Variants in CALN1 observed in about 807,000 individuals in gnomAD.
CALN1 encodes the protein calcium-binding protein 8.
In CALN1, 17 loss-of-function variants were observed where a neutral mutation model predicts 30.6. The observed-to-expected ratio is 0.56, with a 90% CI of 0.38 to 0.83. The LOEUF is 0.83. Among genes scored for constraint, CALN1 ranks in the 40% least tolerant of loss-of-function variants. CALN1 has a pLI of 0.00. For missense variants in CALN1, 291 were observed against 354.9 expected (o/e 0.82, Z 1.45); for synonymous variants, 156 against 131.4 (o/e 1.19, Z -1.28).
At chr7:72,276,397 T>C (rs749452168) in intron 3 of CALN1, among the ~76,000 whole-genome samples, 4 of 152,176 alleles carry the variant, frequency 2.6e-5, no homozygotes, top group African/African-American at 9.6e-5. Flanking sequence ...AAAATGCCTA[T>C]GTGGAAACCT....
the CALN1 span, among the ~76,000 whole-genome samples, chr7:72,489,074 G>A: frequency 2.6e-5 from 4 of 151,904 alleles, no homozygotes; most frequent in African/African-American, 9.7e-5. Flanking sequence ...AAGGATTATT[G>A]GGCCCTGTGA....
the CALN1 span, among the ~76,000 whole-genome samples, chr7:72,460,460 C>T: frequency 6.6e-6 from 1 of 151,594 alleles, no homozygotes; most frequent in African/African-American, 2.4e-5. Context: ...GATGAAACCC[C>T]GTCTCTACTG....
rs144140069 is a variant in CALN1, at chr7:71,809,262, A to G, written c.658+1074T>C. ...TGCTGGGTCCATGATGCAGCAGTTCAGCCAAGACAGGGCTGATGGGAGCCT... is the reference window on the plus strand; with the variant it reads ...TGCTGGGTCCATGATGCAGCAGTTCGGCCAAGACAGGGCTGATGGGAGCCT... On this transcript the variant is annotated intron_variant, in intron 6 of 6. Coordinates refer to ENST00000395275, the MANE Select transcript of CALN1 (RefSeq NM_031468.4). Among the ~76,000 whole-genome samples, 1,324 of 152,058 alleles carry G rather than the reference A, an allele frequency of 8.7e-3. 12 individuals carry two copies. Among genetic ancestry groups the G allele is most frequent in the South Asian group, 0.035 (168 of 4,816 alleles).
Position 72,092,625 on chromosome 7 carries a change from T to TAA in CALN1, c.388+13524_388+13525dup, listed in dbSNP as rs369445548. 4.8e-3 allele frequency among the ~76,000 whole-genome samples: 515 copies of TAA among 106,216 alleles called. 3 individuals carry two copies. Among genetic ancestry groups the TAA allele is most frequent in the African/African-American group, 0.017 (464 of 27,344 alleles). 69.7% of individuals were successfully genotyped at this position (106,216 alleles called of 152,430 possible). Reference sequence around the variant, plus strand: ...TTTTGCAATGAATATTGTATTCTAGTAAAAAAAAAAAAAAAAAAAAAAAAA... The same window carrying TAA: ...TTTTGCAATGAATATTGTATTCTAGTAAAAAAAAAAAAAAAAAAAAAAAAAAA... On this transcript the variant is annotated intron_variant, in intron 4 of 6. Coordinates refer to ENST00000395275, the MANE Select transcript of CALN1 (RefSeq NM_031468.4).
At position 71,897,075 on chromosome 7, in the gene CALN1, A is replaced by G. The variant is rs1011023408; in HGVS notation, c.502-86583T>C. ...TTGCTAAAAACAAAGCAAAACAAAA[A>G]TCCCTGGAAACTTGCAGGCAGCCCT... On this transcript the variant is annotated intron_variant, in intron 5 of 6. Coordinates refer to ENST00000395275, the MANE Select transcript of CALN1 (RefSeq NM_031468.4). 2.0e-5 allele frequency among the ~76,000 whole-genome samples: 3 copies of G among 152,040 alleles called. No individual in the cohort carries two copies. In the East Asian group the frequency reaches 5.8e-4, roughly 29 times the overall value.
At chr7:72,065,223 T>G (rs1803940797) in intron 4 of CALN1, among the ~76,000 whole-genome samples, 1 of 151,892 alleles carries the variant, frequency 6.6e-6, no homozygotes, top group Non-Finnish European at 1.5e-5. Flanking sequence ...ATGGGCTACC[T>G]TTAAATCAAC....
intron 5 of CALN1, among the ~76,000 whole-genome samples, chr7:71,980,766 C>A (rs538375259): frequency 6.6e-6 from 1 of 152,058 alleles, no homozygotes; most frequent in Non-Finnish European, 1.5e-5. Context: ...TGCCCTGAAA[C>A]TGAAGGCCTG....
chr7:72,421,740 C>T (rs762697050), intron 1 of CALN1, among the ~76,000 whole-genome samples: 2 of 151,950 alleles, frequency 1.3e-5, no homozygotes, highest in Non-Finnish European at 2.9e-5. Flanking sequence ...GCACATGCCA[C>T]CACACCCAGC....
At chr7:72,148,755 A>C (rs946805254) in intron 3 of CALN1, among the ~76,000 whole-genome samples, 1 of 152,102 alleles carries the variant, frequency 6.6e-6, no homozygotes, top group African/African-American at 2.4e-5. Flanking sequence ...AAATACAAAA[A>C]TTAGCCAGCA....
At chr7:71,902,664 T>G (rs1787945683) in intron 5 of CALN1, among the ~76,000 whole-genome samples, 1 of 152,176 alleles carries the variant, frequency 6.6e-6, no homozygotes, top group African/African-American at 2.4e-5. Context: ...AATAAATCAT[T>G]ATACCAAACT....
chr7:72,301,490 C>T (rs1436782559), intron 2 of CALN1, among the ~76,000 whole-genome samples: 4 of 151,756 alleles, frequency 2.6e-5, no homozygotes, highest in Non-Finnish European at 5.9e-5. Context: ...TGCCTGTAGT[C>T]CCAGCTACTC....
chr7:72,448,821 G>A (rs1461117060), upstream of CALN1, among the ~76,000 whole-genome samples: 1 of 152,074 alleles, frequency 6.6e-6, no homozygotes, highest in African/African-American at 2.4e-5. Context: ...TGGCCAGGCT[G>A]GTCTCAAACT....
intron 5 of CALN1, among the ~76,000 whole-genome samples, chr7:71,960,094 C>G (rs1014237055): frequency 2.7e-5 from 4 of 149,688 alleles, no homozygotes; most frequent in Non-Finnish European, 5.9e-5. Context: ...GATGGCACCA[C>G]TGCACTCCAG....
At chr7:72,102,099 G>A (rs1374914696) in intron 4 of CALN1, among the ~76,000 whole-genome samples, 1 of 152,028 alleles carries the variant, frequency 6.6e-6, no homozygotes, top group Non-Finnish European at 1.5e-5. Context: ...GCACGATCTT[G>A]GCTCACCGCA....
the CALN1 span, among the ~76,000 whole-genome samples, chr7:72,481,069 C>T: frequency 6.6e-6 from 1 of 152,222 alleles, no homozygotes; most frequent in Admixed American, 6.5e-5. Flanking sequence ...TCTCCTGCCT[C>T]AGCCTCCTGA....
chr7:72,242,407 A>G (rs116445532), intron 3 of CALN1, among the ~76,000 whole-genome samples: 2,466 of 152,240 alleles, frequency 0.016, 64 homozygotes, highest in African/African-American at 0.056. Flanking sequence ...AAAATCTTAA[A>G]TTATTTTTAA....
intron 6 of CALN1, among the ~76,000 whole-genome samples, chr7:71,808,172 AC>A (rs1269524882): frequency 1.3e-5 from 2 of 152,048 alleles, no homozygotes; most frequent in African/African-American, 2.4e-5. Flanking sequence ...CATAATTATT[AC>A]CATAATTATT....
chr7:71,806,942 A>G (rs1054525506), intron 6 of CALN1, among the ~76,000 whole-genome samples: 1 of 152,184 alleles, frequency 6.6e-6, no homozygotes, highest in Non-Finnish European at 1.5e-5. Context: ...CTGCTGTCTC[A>G]GTGTATTGGT....
At chr7:72,205,551 A>AAAAAAAAAAATATATATATAT in intron 3 of CALN1, among the ~76,000 whole-genome samples, 1 of 83,052 alleles carries the variant, frequency 1.2e-5, no homozygotes, top group Non-Finnish European at 2.0e-5. Context: ...GCAAAAAAAA[A>AAAAAAAAAAATATATATATAT]ATATATATAT....
Sources: allele counts gnomAD v4.1 joint callset (sites outside exome capture counted in the v4.1 genomes callset), GRCh38; gene constraint gnomAD v4.1.1; transcripts MANE v1.5; gene names NCBI Gene and HGNC (gene_info 2026-07-23, HGNC 2026-07-21).